PCSK5: variants seen among roughly 807,000 people sequenced by gnomAD.
PCSK5 encodes the protein proprotein convertase subtilisin/kexin type 5, also known as prohormone convertase 5.
In PCSK5, 129 loss-of-function variants were observed where a neutral mutation model predicts 233.2. The observed-to-expected ratio is 0.55, with a 90% confidence interval of 0.48 to 0.64. The LOEUF (loss-of-function observed/expected upper bound fraction) is 0.64. Ranked by LOEUF, PCSK5 falls within the 30% of genes least tolerant of loss-of-function variation. PCSK5 has a pLI of 0.00. For missense variants in PCSK5, 2,076 were observed against 2,430.1 expected (o/e 0.85, Z 3.06); for synonymous variants, 825 against 879.2 (o/e 0.94, Z 1.09).
At chr9:76,125,401 C>T (rs998429905) in intron 9 of PCSK5, among the ~76,000 whole-genome samples, 5 of 152,160 alleles carry the variant, frequency 3.3e-5, no homozygotes, top group African/African-American at 1.2e-4. Context: ...TGGCGAGGGT[C>T]AGAGCTGAGG....
chr9:76,231,095 G>A (rs567932353), intron 21 of PCSK5, among the ~76,000 whole-genome samples: 4 of 152,250 alleles, frequency 2.6e-5, no homozygotes, highest in South Asian at 4.1e-4. Context: ...AAGAGGTTTA[G>A]TTGACTCATA....
intron 21 of PCSK5, among the ~76,000 whole-genome samples, chr9:76,231,507 T>G (rs1826078850): frequency 6.6e-6 from 1 of 152,232 alleles, no homozygotes; most frequent in African/African-American, 2.4e-5. Context: ...ATCCCCAGAA[T>G]AAACTCGCCC....
chr9:76,186,531 C>T (rs1243215691), intron 17 of PCSK5, among the ~76,000 whole-genome samples: 1 of 152,108 alleles, frequency 6.6e-6, no homozygotes, highest in African/African-American at 2.4e-5. Context: ...AGAACAGAGG[C>T]GTTCACAATA....
chr9:76,093,584 C>T (rs200956208), intron 7 of PCSK5, among the ~76,000 whole-genome samples: 358 of 115,656 alleles, frequency 3.1e-3, no homozygotes, highest in African/African-American at 0.012. Context: ...TATATATATA[C>T]ACACACACAC....
rs571228771 is a variant in PCSK5, at chr9:76,159,054, A to T, written c.1502A>T (p.His501Leu). Residue 501 changes from histidine (H) to leucine (L), a missense_variant, in exon 12 of 38, where the codon CAT becomes CTT. This residue lies in a region of PCSK5 where 64 missense variants were observed against 68.6 expected (regional missense o/e 0.93). Transcript: ENST00000674117. The stretch of plus-strand genomic sequence containing the variant: ...GGCTGCTCGGATAACCCCAACCGCC[A>T]TGTCAACTACCTGGAGCACGTCGTT... ...ASGCSDNPNR[H>L]VNYLEHVVVR... 1.2e-6 allele frequency: 2 copies of T among 1,614,130 alleles called. No homozygotes were observed. The highest frequency in any genetic ancestry group is 1.1e-5 in the South Asian group (1 of 91,076).
chr9:75,898,828 A>G (rs192344660), intron 1 of PCSK5, among the ~76,000 whole-genome samples: 73 of 152,358 alleles, frequency 4.8e-4, no homozygotes, highest in African/African-American at 1.7e-3. Flanking sequence ...CAAGTCTACC[A>G]TGTAACATAC....
chr9:75,891,777 G>A (rs369122212), intron 1 of PCSK5, among the ~76,000 whole-genome samples: 3 of 151,978 alleles, frequency 2.0e-5, no homozygotes, highest in African/African-American at 7.2e-5. Flanking sequence ...TGGGGGATAG[G>A]GGGTGAGCGC....
rs569029671 is a variant in PCSK5 at position 76,358,514 on chromosome 9, C to T, written c.5256C>T (p.Asp1752=). ...QECCDCQDTT[D]ECILRTSKVR... is the part of the protein sequence containing the mutation. ...TCCTTTGAGGTCTTCTTCCAACAGA[C>T]GAATGCATCCTTCGAACAAGCAAGG... Residue 1752 remains aspartate, a splice_region_variant and synonymous_variant, in exon 38 of 38, where the codon GAC becomes GAT. Transcript: ENST00000674117. 5.2e-5 allele frequency: 84 copies of T among 1,607,148 alleles called. No homozygotes were observed. The highest frequency in any genetic ancestry group is 1.1e-4 in the East Asian group (5 of 44,712).
chr9:76,233,431 T>A (rs778643131), intron 21 of PCSK5, 29 bp from the exon 22 acceptor site: 1 of 1,611,538 alleles, frequency 6.2e-7, no homozygotes, highest in Admixed American at 1.7e-5. Context: ...GTCACCCTGA[T>A]GAATTCTAAA....
At chr9:76,074,464 G>A (rs1830577211) in intron 7 of PCSK5, among the ~76,000 whole-genome samples, 1 of 152,160 alleles carries the variant, frequency 6.6e-6, no homozygotes, top group African/African-American at 2.4e-5. Flanking sequence ...TCATAGCATT[G>A]CACATCTAAA....
At chr9:75,945,790 C>T (rs28620145) in intron 2 of PCSK5, among the ~76,000 whole-genome samples, 20,153 of 152,098 alleles carry the variant, frequency 0.13, 1,418 homozygotes, top group East Asian at 0.28. Context: ...CCCTTGTTTC[C>T]CCTGCCTGGA....
rs558023428 is a variant in PCSK5, at chr9:75,998,611, T to G, written c.411+12366T>G. Among the ~76,000 whole-genome samples the G allele has an allele frequency of 3.3e-4, 51 of 152,354 alleles. No individual in the cohort carries two copies. In the South Asian group the frequency reaches 0.011, roughly 32 times the overall value. On this transcript the variant is annotated intron_variant, in intron 3 of 37. Transcript: ENST00000674117. ...TACTTTATCAGAAACGTAACGTCAC[T>G]TGGTCTAAATTCCAGGTTGGTGATC...
chr9:76,174,573 G>T (rs776787634), intron 13 of PCSK5, among the ~76,000 whole-genome samples: 23 of 152,118 alleles, frequency 1.5e-4, no homozygotes, highest in Non-Finnish European at 2.8e-4. Context: ...GCCTCCCAAG[G>T]TGCTGGGATT....
intron 7 of PCSK5, among the ~76,000 whole-genome samples, chr9:76,088,157 G>A (rs7027736): frequency 0.031 from 4,757 of 152,276 alleles, 152 homozygotes; most frequent in African/African-American, 0.077. Flanking sequence ...CAGCTGACAG[G>A]CTAAAGCAGG....
intron 20 of PCSK5, among the ~76,000 whole-genome samples, chr9:76,191,600 T>A (rs550433520): frequency 6.6e-6 from 1 of 152,194 alleles, no homozygotes; most frequent in African/African-American, 2.4e-5. Context: ...TGACTTTGCA[T>A]CTCCATGGTT....
intron 24 of PCSK5, chr9:76,287,335 C>T (rs1372687418): frequency 1.4e-5 from 3 of 220,042 alleles, no homozygotes; most frequent in Non-Finnish European, 3.1e-5. Context: ...TAGCATGTCA[C>T]TGGTGGATGT....
intron 7 of PCSK5, among the ~76,000 whole-genome samples, chr9:76,075,224 A>AAATAAT (rs145167571): frequency 0.035 from 5,222 of 150,632 alleles, 313 homozygotes; most frequent in African/African-American, 0.12. Context: ...CGTCTCAATA[A>AAATAAT]AATAATAATA....
intron 35 of PCSK5, among the ~76,000 whole-genome samples, chr9:76,349,150 T>C (rs549591947): frequency 4.6e-5 from 7 of 151,702 alleles, no homozygotes; most frequent in African/African-American, 1.7e-4. Context: ...GGCGGGCTCC[T>C]GTAGTCCCAG....
chr9:76,257,218 C>T (rs114708102), intron 24 of PCSK5, among the ~76,000 whole-genome samples: 1,936 of 152,232 alleles, frequency 0.013, 42 homozygotes, highest in African/African-American at 0.044. Flanking sequence ...ATCTCACCCC[C>T]CAACTCTCCA....
Sources: allele counts gnomAD v4.1 joint callset (sites outside exome capture counted in the v4.1 genomes callset), GRCh38; gene constraint gnomAD v4.1.1; regional missense constraint gnomAD v4.1.1; transcripts MANE v1.5; gene names NCBI Gene and HGNC (gene_info 2026-07-23, HGNC 2026-07-21).